The following NETO2 variants were observed in gnomAD, a reference collection of about 807,000 sequenced individuals.
The protein encoded by NETO2 is neuropilin and tolloid-like protein 2.
NETO2 carries 28 observed loss-of-function variants against 62.5 expected under a neutral mutation model. That is an observed-to-expected ratio of 0.45 (90% CI 0.33 to 0.61). The LOEUF (loss-of-function observed/expected upper bound fraction) is 0.61, where lower values mean the gene tolerates loss of function less well. Ranked by LOEUF, NETO2 falls within the 20% of genes least tolerant of loss-of-function variation. The pLI, the probability that NETO2 is intolerant of heterozygous loss-of-function variation, is 0.02. For missense variants in NETO2, 548 were observed against 643.2 expected, an observed-to-expected ratio of 0.85 and a Z score of 1.60; for synonymous variants, 214 against 219.1, an observed-to-expected ratio of 0.98 and a Z score of 0.21.
At chr16:47,132,876 G>A (rs1287302202) in intron 1 of NETO2, among the ~76,000 whole-genome samples, 1 of 152,148 alleles carries the variant, frequency 6.6e-6, no homozygotes, top group Non-Finnish European at 1.5e-5. Flanking sequence ...ATGAATCTAG[G>A]CTAGGGTTCA....
rs1963499787 is a variant in NETO2, at chr16:47,099,588, T to C, written c.883+9895A>G. Among the ~76,000 whole-genome samples, 3 of 151,528 alleles carry C rather than the reference T, an allele frequency of 2.0e-5. No homozygotes were observed. In the East Asian group the frequency reaches 5.8e-4, roughly 29 times the overall value. On this transcript the variant is annotated intron_variant, in intron 7 of 8. Transcript: ENST00000562435. ...TCCATCTCATGTGCAAAGACATACATAGGCTCAAAATAAACAGATGGAGGA... is the reference window on the plus strand; with the variant it reads ...TCCATCTCATGTGCAAAGACATACACAGGCTCAAAATAAACAGATGGAGGA...
chr16:47,100,442 A>G (rs1963516670), intron 7 of NETO2, among the ~76,000 whole-genome samples: 1 of 152,094 alleles, frequency 6.6e-6, no homozygotes, highest in South Asian at 2.1e-4. Flanking sequence ...AGCAGAAGAC[A>G]AAATAACTAA....
chr16:47,126,959 A>C (rs1964169912), intron 4 of NETO2, among the ~76,000 whole-genome samples: 1 of 152,216 alleles, frequency 6.6e-6, no homozygotes, highest in Non-Finnish European at 1.5e-5. Flanking sequence ...CAGGCAAAAA[A>C]GCAGATAATA....
intron 7 of NETO2, among the ~76,000 whole-genome samples, chr16:47,094,084 A>G (rs1963374070): frequency 6.6e-6 from 1 of 152,212 alleles, no homozygotes; most frequent in South Asian, 2.1e-4. Context: ...CTGAGGAAAC[A>G]GTTGGAAGAG....
At position 47,082,477 on chromosome 16, in the gene NETO2, G is replaced by A. The variant is rs1963088890; in HGVS notation, c.*744C>T. On this transcript the variant is annotated 3_prime_UTR_variant, in exon 9 of 9. Transcript: ENST00000562435. ...CTTTTTCAAATTTTTAGTCATAGCTGACAATGGTACATATATCCCAGGATT... is the reference window on the plus strand; with the variant it reads ...CTTTTTCAAATTTTTAGTCATAGCTAACAATGGTACATATATCCCAGGATT... 1 of 152,136 alleles carries A rather than the reference G, an allele frequency of 6.6e-6. No individual in the cohort carries two copies. Among genetic ancestry groups the A allele is most frequent in the African/African-American group, 2.4e-5 (1 of 41,426 alleles). The allele number at this position is 152,136 out of a possible 1,614,324, so 9.4% of individuals were successfully genotyped here. A position where few individuals can be genotyped will look rare whatever the true frequency, so the allele number is the denominator to read the frequency against.
At position 47,078,696 on chromosome 16, in the gene NETO2, A is replaced by G. The variant is rs1032347964; in HGVS notation, c.*4525T>C. On this transcript the variant is annotated 3_prime_UTR_variant, in exon 9 of 9. Transcript: ENST00000562435. ...AACTCAAGAGATATGGCACACAAAT[A>G]TTTAATTTCTAGAATACACGTCTCC... 2 of 152,214 alleles carry G rather than the reference A, an allele frequency of 1.3e-5. No individual in the cohort carries two copies. Among genetic ancestry groups the G allele is most frequent in the Non-Finnish European group, 2.9e-5 (2 of 68,034 alleles). The allele number at this position is 152,214 out of a possible 1,614,324, so 9.4% of individuals were successfully genotyped here. A position where few individuals can be genotyped will look rare whatever the true frequency, so the allele number is the denominator to read the frequency against.
At chr16:47,119,570 T>A (rs888307434) in intron 6 of NETO2, among the ~76,000 whole-genome samples, 30 of 152,176 alleles carry the variant, frequency 2.0e-4, no homozygotes, top group African/African-American at 6.0e-4. Context: ...TTTTTTTTTT[T>A]AATTTCTGTT....
intron 3 of NETO2, 36 bp downstream of exon 3, chr16:47,129,188 T>C (rs375018316): frequency 9.4e-6 from 15 of 1,600,140 alleles, no homozygotes; most frequent in Non-Finnish European, 1.2e-5. Context: ...TACAATAAAG[T>C]AAAAATTCAT....
chr16:47,135,200 A>C (rs1338541395), intron 1 of NETO2, among the ~76,000 whole-genome samples: 1 of 152,206 alleles, frequency 6.6e-6, no homozygotes, highest in African/African-American at 2.4e-5. Flanking sequence ...AATCAGGCTG[A>C]GATATTAAAA....
chr16:47,115,721 ATATATATATACATG>A (rs930170912), intron 6 of NETO2, among the ~76,000 whole-genome samples: 1 of 140,046 alleles, frequency 7.1e-6, no homozygotes, highest in African/African-American at 2.9e-5. Context: ...ATACATATAT[ATATATATATACATG>A]TATATATATA....
intron 7 of NETO2, among the ~76,000 whole-genome samples, chr16:47,100,690 C>G (rs1159487747): frequency 6.6e-6 from 1 of 152,106 alleles, no homozygotes; most frequent in Non-Finnish European, 1.5e-5. Context: ...CGCAAATAAA[C>G]TAGAAAATAT....
At chr16:47,101,574 CA>C (rs1171159981) in intron 7 of NETO2, among the ~76,000 whole-genome samples, 2 of 152,192 alleles carry the variant, frequency 1.3e-5, no homozygotes, top group Non-Finnish European at 2.9e-5. Flanking sequence ...AGCTGATAAG[CA>C]ACTTCAGCAA....
intron 6 of NETO2, among the ~76,000 whole-genome samples, chr16:47,114,951 T>C (rs991803468): frequency 3.3e-5 from 5 of 152,188 alleles, no homozygotes; most frequent in Non-Finnish European, 7.3e-5. Context: ...GGGTTCATTT[T>C]TTTTTTCTTT....
intron 1 of NETO2, among the ~76,000 whole-genome samples, chr16:47,139,827 C>T (rs536841947): frequency 1.3e-5 from 2 of 152,158 alleles, no homozygotes; most frequent in Non-Finnish European, 2.9e-5. Flanking sequence ...CCTCCTTAGT[C>T]GAGCTGATCT....
chr16:47,092,684 CAT>C (rs1308191414), intron 7 of NETO2, among the ~76,000 whole-genome samples: 1 of 152,126 alleles, frequency 6.6e-6, no homozygotes, highest in African/African-American at 2.4e-5. Context: ...ACAGCCTCTG[CAT>C]AGTTTTTTAA....
intron 1 of NETO2, among the ~76,000 whole-genome samples, chr16:47,139,735 T>C (rs1964427757): frequency 6.6e-6 from 1 of 152,250 alleles, no homozygotes. Context: ...CTACATATGC[T>C]AATGACATGC....
At chr16:47,135,575 A>T (rs1314240689) in intron 1 of NETO2, among the ~76,000 whole-genome samples, 1 of 151,996 alleles carries the variant, frequency 6.6e-6, no homozygotes, top group East Asian at 1.9e-4. Context: ...TACAGATCTG[A>T]CCTAAAATGA....
chr16:47,103,194 A>G (rs920752961), intron 7 of NETO2, among the ~76,000 whole-genome samples: 6 of 152,228 alleles, frequency 3.9e-5, no homozygotes, highest in Non-Finnish European at 5.9e-5. Context: ...ATAGGAAAAG[A>G]AAACCAAACA....
intron 2 of NETO2, 121 bp from the exon 3 acceptor site, chr16:47,129,485 C>A: frequency 1.0e-6 from 1 of 1,001,300 alleles, no homozygotes; most frequent in East Asian, 2.5e-5. Flanking sequence ...TTTCTAAGAA[C>A]CACTGTCAAA....
Sources: allele counts gnomAD v4.1 joint callset (sites outside exome capture counted in the v4.1 genomes callset), GRCh38; gene constraint gnomAD v4.1.1; transcripts MANE v1.5; gene names NCBI Gene and HGNC (gene_info 2026-07-23, HGNC 2026-07-21).